OXR1: variants seen among roughly 807,000 people sequenced by gnomAD.
The protein encoded by OXR1 is oxidation resistance protein 1.
Under a neutral mutation model 104.6 loss-of-function variants are expected in OXR1, and 41 were observed. The observed-to-expected ratio is 0.39, with a 90% CI of 0.31 to 0.51. The LOEUF is 0.51. Ranked by LOEUF, OXR1 falls within the 20% of genes least tolerant of loss-of-function variation. The pLI is 0.77. For missense variants in OXR1, 955 were observed against 1,031.9 expected (o/e 0.93, Z 1.02); for synonymous variants, 348 against 348.4 (o/e 1.00, Z 0.01).
intron 2 of OXR1, among the ~76,000 whole-genome samples, chr8:106,427,733 A>C (rs1156998288): frequency 1.3e-5 from 2 of 152,218 alleles, no homozygotes; most frequent in Non-Finnish European, 2.9e-5. Flanking sequence ...TAATCCTCTA[A>C]GAAAGTGTGA....
In OXR1 at chr8:106,671,044, C is replaced by CAAAAAAAAAAAAAA. The variant is rs60404483; in HGVS notation, c.221-8160_221-8147dup. ...TGGGTGACAGAGTGAGACTCTGTCT[C>CAAAAAAAAAAAAAA]AAAAAAAAAAAAAAAAAAAGAATGG... On this transcript the variant is annotated intron_variant, in intron 3 of 16. Transcript: ENST00000517566. 2.8e-3 allele frequency among the ~76,000 whole-genome samples: 136 copies of CAAAAAAAAAAAAAA among 48,922 alleles called. 1 individual carries two copies. Among genetic ancestry groups the CAAAAAAAAAAAAAA allele is most frequent in the Admixed American group, 8.7e-3 (39 of 4,496 alleles). The allele number at this position is 48,922 out of a possible 152,430, so 32.1% of individuals were successfully genotyped here.
chr8:106,388,377 G>A (rs1244105729), intron 2 of OXR1, among the ~76,000 whole-genome samples: 1 of 151,780 alleles, frequency 6.6e-6, no homozygotes, highest in East Asian at 1.9e-4. Flanking sequence ...GCCTAATACT[G>A]CTCTTATGCC....
At chr8:106,402,534 C>T (rs1818042546) in intron 2 of OXR1, among the ~76,000 whole-genome samples, 1 of 152,214 alleles carries the variant, frequency 6.6e-6, no homozygotes, top group Non-Finnish European at 1.5e-5. Context: ...TGAACTAAAA[C>T]TTCATTGGTC....
At chr8:106,591,733 A>T (rs1405001719) in intron 3 of OXR1, among the ~76,000 whole-genome samples, 2 of 152,180 alleles carry the variant, frequency 1.3e-5, no homozygotes. Context: ...ACTGTTTCCC[A>T]GTTGGATGAA....
At chr8:106,512,797 G>A (rs892041661) in intron 2 of OXR1, among the ~76,000 whole-genome samples, 9 of 152,048 alleles carry the variant, frequency 5.9e-5, no homozygotes, top group Non-Finnish European at 1.2e-4. Context: ...GAGAGGAAAA[G>A]GGAAGATAAG....
At chr8:106,507,011 C>G (rs1812209365) in intron 2 of OXR1, among the ~76,000 whole-genome samples, 1 of 151,854 alleles carries the variant, frequency 6.6e-6, no homozygotes. Context: ...ATCCCTTAAG[C>G]CTAGGAGTTC....
chr8:106,740,318 A>G, intron 13 of OXR1, 25 bp from the exon 14 acceptor site: 2 of 1,595,418 alleles, frequency 1.3e-6, no homozygotes, highest in Non-Finnish European at 1.7e-6. Flanking sequence ...CTATCAAGTA[A>G]ATACTAACAC....
intron 3 of OXR1, among the ~76,000 whole-genome samples, chr8:106,612,520 T>C (rs1586897126): frequency 3.3e-5 from 5 of 152,302 alleles, no homozygotes; most frequent in Admixed American, 2.6e-4. Context: ...CTTATTATGA[T>C]CTGAGAATTT....
At chr8:106,376,526 A>C (rs889963549) in intron 2 of OXR1, among the ~76,000 whole-genome samples, 1 of 151,456 alleles carries the variant, frequency 6.6e-6, no homozygotes, top group Non-Finnish European at 1.5e-5. Flanking sequence ...TTGGCCTAAG[A>C]CTTCAAAATG....
At chr8:106,356,647 C>A (rs1815986020) in intron 1 of OXR1, among the ~76,000 whole-genome samples, 1 of 151,666 alleles carries the variant, frequency 6.6e-6, no homozygotes, top group Non-Finnish European at 1.5e-5. Context: ...TGTGTATTTA[C>A]ATTAAATAAT....
At chr8:106,740,556 C>A in intron 14 of OXR1, 61 bp downstream of exon 14, 8 of 1,346,238 alleles carry the variant, frequency 5.9e-6, no homozygotes, top group Non-Finnish European at 6.2e-6. Flanking sequence ...TAACTTTTAG[C>A]ATATTTATTT....
intron 3 of OXR1, among the ~76,000 whole-genome samples, chr8:106,597,577 ACTATTTAAAAAATAGTTTTCTCTC>A (rs1166727049): frequency 6.6e-6 from 1 of 152,218 alleles, no homozygotes; most frequent in Non-Finnish European, 1.5e-5. Context: ...AAGGGAAAGG[ACTATTTAAAAAATAGTTTTCTCTC>A]AAGCTTTTAG....
intron 1 of OXR1, among the ~76,000 whole-genome samples, chr8:106,337,977 C>A (rs1253194330): frequency 6.6e-6 from 1 of 152,140 alleles, no homozygotes; most frequent in African/African-American, 2.4e-5. Flanking sequence ...TGTGGGAAAA[C>A]TCAGAGCATT....
At chr8:106,504,493 A>G (rs955326603) in intron 2 of OXR1, among the ~76,000 whole-genome samples, 1 of 152,204 alleles carries the variant, frequency 6.6e-6, no homozygotes, top group Non-Finnish European at 1.5e-5. Flanking sequence ...AATGAGAATA[A>G]GACAATCCCT....
intron 3 of OXR1, among the ~76,000 whole-genome samples, chr8:106,620,994 G>T (rs996356455): frequency 1.8e-4 from 28 of 152,220 alleles, no homozygotes; most frequent in Non-Finnish European, 2.8e-4. Context: ...TTCCAAATTA[G>T]AAAGTTTTAA....
intron 2 of OXR1, among the ~76,000 whole-genome samples, chr8:106,431,422 C>T (rs1819353934): frequency 6.6e-6 from 1 of 152,082 alleles, no homozygotes; most frequent in Admixed American, 6.5e-5. Flanking sequence ...TGTCAGCTGC[C>T]CATGTACCTG....
At chr8:106,614,697 G>A (rs776905247) in intron 3 of OXR1, among the ~76,000 whole-genome samples, 104 of 152,124 alleles carry the variant, frequency 6.8e-4, no homozygotes, top group Non-Finnish European at 8.2e-4. Flanking sequence ...AAAGAATAAA[G>A]AACAAATGGC....
intron 2 of OXR1, among the ~76,000 whole-genome samples, chr8:106,421,220 C>T (rs527314714): frequency 1.3e-5 from 2 of 152,166 alleles, no homozygotes; most frequent in South Asian, 4.2e-4. Flanking sequence ...TTCTATAGAA[C>T]ACTAGTAAAG....
At chr8:106,657,194 G>T (rs924697920) in intron 3 of OXR1, among the ~76,000 whole-genome samples, 1 of 152,028 alleles carries the variant, frequency 6.6e-6, no homozygotes, top group Non-Finnish European at 1.5e-5. Flanking sequence ...AAACAGGACT[G>T]GGATCATAGA....
Sources: gnomAD v4.1 joint callset for allele counts (sites outside exome capture counted in the v4.1 genomes callset) on GRCh38, gnomAD v4.1.1 for gene constraint, MANE v1.5 for transcripts, NCBI Gene and HGNC (gene_info 2026-07-23, HGNC 2026-07-21) for gene names.